The following PPP2R2C variants were observed in gnomAD, a reference collection of about 807,000 sequenced individuals.
The protein encoded by PPP2R2C is protein phosphatase 2 regulatory subunit Bgamma, also known as protein phosphatase 2, regulatory subunit B, gamma.
Under a neutral mutation model 45.3 loss-of-function variants are expected in PPP2R2C, and 10 were observed. The ratio of observed to expected loss-of-function variants is 0.22; its 90% CI spans 0.14 to 0.37. The LOEUF (loss-of-function observed/expected upper bound fraction) is 0.37, where lower values mean the gene tolerates loss of function less well. Ranked by LOEUF, PPP2R2C falls within the 10% of genes least tolerant of loss-of-function variation. The pLI is 1.00. For missense variants in PPP2R2C, 308 were observed against 619.7 expected, an observed-to-expected ratio of 0.50 and a Z score of 5.34; for synonymous variants, 257 against 245.4, an observed-to-expected ratio of 1.05 and a Z score of -0.44.
intron 6 of PPP2R2C, among the ~76,000 whole-genome samples, chr4:6,337,112 G>GTATGTATATA (rs1733019960): frequency 1.0e-4 from 3 of 30,118 alleles, no homozygotes; most frequent in African/African-American, 1.0e-4. Flanking sequence ...ATGTGTGTGT[G>GTATGTATATA]TATATATATA....
chr4:6,517,917 T>C (rs1723876880), intron 2 of PPP2R2C, among the ~76,000 whole-genome samples: 1 of 152,136 alleles, frequency 6.6e-6, no homozygotes, highest in Non-Finnish European at 1.5e-5. Context: ...AGCTAATGAC[T>C]TGTGCACAGT....
chr4:6,433,997 C>G (rs1719757786), intron 1 of PPP2R2C, among the ~76,000 whole-genome samples: 2 of 152,238 alleles, frequency 1.3e-5, no homozygotes, highest in South Asian at 2.1e-4. Context: ...CTCCCACTCA[C>G]TCAGCTCTCC....
chr4:6,473,172 C>T (rs1016002880), upstream of PPP2R2C, among the ~76,000 whole-genome samples: 1 of 152,020 alleles, frequency 6.6e-6, no homozygotes, highest in Non-Finnish European at 1.5e-5. Context: ...ATTGGGCCTC[C>T]CCCAGGCAGG....
At chr4:6,469,505 A>T (rs115962989) in intron 1 of PPP2R2C, among the ~76,000 whole-genome samples, 209 of 152,324 alleles carry the variant, frequency 1.4e-3, no homozygotes, top group Non-Finnish European at 2.3e-3. Context: ...AGGCATATAA[A>T]TAATAACAAT....
chr4:6,347,177 G>A (rs1221061201), intron 6 of PPP2R2C, among the ~76,000 whole-genome samples: 1 of 152,184 alleles, frequency 6.6e-6, no homozygotes, highest in Non-Finnish European at 1.5e-5. Flanking sequence ...CTTCTGAACA[G>A]CATCTCCTGG....
chr4:6,555,436 C>T (rs1323477812), intron 1 of PPP2R2C: 3 of 152,298 alleles, frequency 2.0e-5, no homozygotes, highest in African/African-American at 7.2e-5. Flanking sequence ...CTCCTCCTAA[C>T]TCCATCCACT....
intron 5 of PPP2R2C, among the ~76,000 whole-genome samples, chr4:6,358,620 T>A (rs1713447701): frequency 7.0e-6 from 1 of 142,896 alleles, no homozygotes; most frequent in South Asian, 2.4e-4. Context: ...ATATCCAGAA[T>A]CTACAAAGAA....
At chr4:6,535,494 G>A (rs535932406) in intron 1 of PPP2R2C, 26 of 683,972 alleles carry the variant, frequency 3.8e-5, no homozygotes, top group Admixed American at 1.4e-4. Context: ...GCCGCCGCCC[G>A]GCACAGCTCC....
rs1017644533 is a variant in PPP2R2C, at chr4:6,378,796, G to A, written c.169-224C>T. ...GCGGTCCCATGAAACACTCACACCC[G>A]AGCCGGCTAACTTGCTAATGCGAAT... On this transcript the variant is annotated intron_variant, in intron 2 of 8. Coordinates refer to ENST00000382599, the MANE Select transcript of PPP2R2C (RefSeq NM_020416.4). This position sits in a 1 kb window ranked among gnomAD's most constrained non-coding sequence, Gnocchi z 5.2. 9.2e-5 allele frequency among the ~76,000 whole-genome samples: 14 copies of A among 151,932 alleles called. 1 individual carries two copies. Among genetic ancestry groups the A allele is most frequent in the Admixed American group, 7.9e-4 (12 of 15,260 alleles).
At chr4:6,423,930 T>TTAGGGTTAGGGTTAGG (rs369269249) in intron 1 of PPP2R2C, among the ~76,000 whole-genome samples, 6 of 150,358 alleles carry the variant, frequency 4.0e-5, no homozygotes, top group Admixed American at 6.6e-5. Flanking sequence ...TTAGGGTTAG[T>TTAGGGTTAGGGTTAGG]GTTAGTGTTT....
chr4:6,388,678 T>C (rs954674876), intron 1 of PPP2R2C, among the ~76,000 whole-genome samples: 8 of 151,850 alleles, frequency 5.3e-5, no homozygotes, highest in Non-Finnish European at 1.0e-4. Context: ...GAGCCGGGCC[T>C]CCCAATGCCT....
chr4:6,406,274 C>T lies in PPP2R2C; in HGVS notation c.71-25180G>A, dbSNP rs182184136. Among the ~76,000 whole-genome samples, 456 of 152,308 alleles carry T rather than the reference C, an allele frequency of 3.0e-3. 1 individual carries two copies. The highest frequency in any genetic ancestry group is 4.0e-3 in the Non-Finnish European group (272 of 68,024). On this transcript the variant is annotated intron_variant, in intron 1 of 8. Coordinates refer to ENST00000382599, the MANE Select transcript of PPP2R2C (RefSeq NM_020416.4). ...GGGATCTAAACCCAGCCAGTGTGGA[C>T]CAGCACCTTCCATGGGGAAGTTGGT...
At chr4:6,535,157 G>T in intron 2 of PPP2R2C, 1 of 1,222,920 alleles carries the variant, frequency 8.2e-7, no homozygotes, top group Non-Finnish European at 1.1e-6. Flanking sequence ...ATCCCAGCAC[G>T]GTGGGGTCGG....
At chr4:6,462,335 C>T (rs1268892042) in intron 1 of PPP2R2C, among the ~76,000 whole-genome samples, 3 of 152,106 alleles carry the variant, frequency 2.0e-5, no homozygotes, top group African/African-American at 4.8e-5. Context: ...ATTAGTCGGG[C>T]GTGGTGGTGG....
chr4:6,493,238 C>T (rs1003456008), intron 2 of PPP2R2C, among the ~76,000 whole-genome samples: 5 of 152,100 alleles, frequency 3.3e-5, no homozygotes, highest in South Asian at 2.1e-4. Flanking sequence ...CACACGCACG[C>T]GCGCGCACAT....
At chr4:6,506,380 T>A (rs1463823866) in intron 2 of PPP2R2C, among the ~76,000 whole-genome samples, 1 of 152,254 alleles carries the variant, frequency 6.6e-6, no homozygotes, top group East Asian at 1.9e-4. Flanking sequence ...GTCTCTGTAT[T>A]ATGATTTTGG....
At position 6,322,153 on chromosome 4, in the gene PPP2R2C, A is replaced by C. The variant is rs544566739; in HGVS notation, c.*1149T>G. ...TCACAAGACAGAGGCATTCCTTTCC[A>C]AACCTTCCATTTGAATGTCGCTCTA... On this transcript the variant is annotated 3_prime_UTR_variant, in exon 9 of 9. Coordinates refer to ENST00000382599, the MANE Select transcript of PPP2R2C (RefSeq NM_020416.4). The surrounding 1 kb of genome is among the most constrained non-coding windows in gnomAD (Gnocchi z 7.8). 1.3e-5 allele frequency: 2 copies of C among 152,122 alleles called. No individual in the cohort carries two copies. The highest frequency in any genetic ancestry group is 3.9e-4 in the East Asian group (2 of 5,160). The allele number at this position is 152,122 out of a possible 1,614,324, so 9.4% of individuals were successfully genotyped here.
chr4:6,528,753 CT>C (rs1393573357), intron 2 of PPP2R2C, among the ~76,000 whole-genome samples: 1 of 152,194 alleles, frequency 6.6e-6, no homozygotes, highest in African/African-American at 2.4e-5. Flanking sequence ...ATGACATTAT[CT>C]TGTGAAATTC....
At chr4:6,365,586 C>T (rs1236878931) in intron 5 of PPP2R2C, among the ~76,000 whole-genome samples, 1 of 152,166 alleles carries the variant, frequency 6.6e-6, no homozygotes, top group Admixed American at 6.5e-5. Context: ...GCTCAGGGTC[C>T]CTTGGCCCAG....
Sources: allele counts gnomAD v4.1 joint callset (sites outside exome capture counted in the v4.1 genomes callset), GRCh38; gene constraint gnomAD v4.1.1; non-coding constraint Gnocchi (gnomAD v3.1); transcripts MANE v1.5; gene names NCBI Gene and HGNC (gene_info 2026-07-23, HGNC 2026-07-21).